CCDC91: variants seen among roughly 807,000 people sequenced by gnomAD.
CCDC91 encodes coiled-coil domain-containing protein 91.
A neutral mutation model predicts 63.2 loss-of-function variants in CCDC91; 48 were observed. The ratio of observed to expected loss-of-function variants is 0.76; its 90% confidence interval spans 0.60 to 0.97. CCDC91 has a LOEUF of 0.97. Ranked by LOEUF, CCDC91 falls within the 50% of genes least tolerant of loss-of-function variation. The pLI, the probability that CCDC91 is intolerant of heterozygous loss-of-function variation, is 0.00. For missense variants in CCDC91, 500 were observed against 494.6 expected, an observed-to-expected ratio of 1.01 and a Z score of -0.10; for synonymous variants, 167 against 165.8, an observed-to-expected ratio of 1.01 and a Z score of -0.06.
At chr12:28,404,830 C>T (rs1455256040) in intron 8 of CCDC91, among the ~76,000 whole-genome samples, 2 of 151,954 alleles carry the variant, frequency 1.3e-5, no homozygotes, top group Admixed American at 6.6e-5. Flanking sequence ...ATCAGTGTTA[C>T]CATAATACCT....
intron 6 of CCDC91, among the ~76,000 whole-genome samples, chr12:28,327,512 A>C (rs1179154954): frequency 1.3e-5 from 2 of 152,042 alleles, no homozygotes; most frequent in Non-Finnish European, 2.9e-5. Context: ...GGTCCAACCA[A>C]TCTTTGGGCC....
Position 28,526,793 on chromosome 12 carries a change from T to C in CCDC91, c.1216-22270T>C, listed in dbSNP as rs569501098. 4.6e-5 allele frequency among the ~76,000 whole-genome samples: 7 copies of C among 152,132 alleles called. No individual in the cohort carries two copies. The South Asian group carries it at 1.2e-3, about 27-fold the overall frequency. ...ATCCCAGACTTCTTGGAGTCTTTGT[T>C]CATATTTTCTTATTCTTTTTTCTTT... On this transcript the variant is annotated intron_variant, in intron 12 of 12. Transcript: ENST00000536442.
chr12:28,503,919 A>C (rs536002169), intron 12 of CCDC91, among the ~76,000 whole-genome samples: 45 of 146,568 alleles, frequency 3.1e-4, no homozygotes, highest in Non-Finnish European at 2.8e-4. Flanking sequence ...GGAACATCAC[A>C]CTCTGGGGAC....
At chr12:28,272,886 T>G (rs1213394357) in intron 3 of CCDC91, among the ~76,000 whole-genome samples, 1 of 152,052 alleles carries the variant, frequency 6.6e-6, no homozygotes, top group Non-Finnish European at 1.5e-5. Context: ...GTGTGCACAA[T>G]GTGCAGGTTA....
At chr12:28,221,490 T>C (rs1313888356) in intron 1 of CCDC91, among the ~76,000 whole-genome samples, 1 of 152,226 alleles carries the variant, frequency 6.6e-6, no homozygotes, top group Non-Finnish European at 1.5e-5. Flanking sequence ...GATTGCTGAA[T>C]TTTGTTGTTT....
In CCDC91 at chr12:28,429,413, G is replaced by A. The variant is rs577798155; in HGVS notation, c.763-20748G>A. ...AATTTGAGGGCTTTCAATGTACCAG[G>A]CAACATACTAGAAAGGATTTTTTTA... On this transcript the variant is annotated intron_variant, in intron 8 of 12. Transcript: ENST00000536442. Among the ~76,000 whole-genome samples the A allele has an allele frequency of 3.3e-4, 50 of 152,124 alleles. 1 individual carries two copies. The highest frequency in any genetic ancestry group is 2.4e-3 in the Admixed American group (37 of 15,260).
intron 4 of CCDC91, 81 bp downstream of exon 4, chr12:28,305,887 T>C: frequency 8.4e-7 from 1 of 1,195,680 alleles, no homozygotes; most frequent in Admixed American, 2.2e-5. Flanking sequence ...TTTTAATTTC[T>C]TTTTTAGCCT....
chr12:28,239,083 G>A (rs1379381070), intron 1 of CCDC91, among the ~76,000 whole-genome samples: 5 of 150,652 alleles, frequency 3.3e-5, no homozygotes, highest in Non-Finnish European at 5.9e-5. Context: ...TCACACCATT[G>A]CACTCCAGCC....
intron 1 of CCDC91, among the ~76,000 whole-genome samples, chr12:28,222,445 T>C (rs1474079319): frequency 1.3e-5 from 2 of 152,210 alleles, no homozygotes; most frequent in South Asian, 2.1e-4. Flanking sequence ...TATAAATCTT[T>C]GCATAAAATG....
Position 28,381,120 on chromosome 12 carries a change from T to C in CCDC91, c.655-10184T>C, listed in dbSNP as rs182050522. Among the ~76,000 whole-genome samples, 296 of 152,278 alleles carry C rather than the reference T, an allele frequency of 1.9e-3. 2 individuals carry two copies. Among genetic ancestry groups the C allele is most frequent in the African/African-American group, 6.9e-3 (285 of 41,564 alleles). The stretch of plus-strand genomic sequence containing the variant: ...AATTTCTTTCCGGTTTGAATAGATA[T>C]TGAGAATGGTTAAATTTATTATTTA... On this transcript the variant is annotated intron_variant, in intron 7 of 12. Transcript: ENST00000536442.
chr12:28,350,898 C>T (rs1943139414), intron 6 of CCDC91, among the ~76,000 whole-genome samples: 1 of 152,122 alleles, frequency 6.6e-6, no homozygotes, highest in Non-Finnish European at 1.5e-5. Context: ...ATTCATAAAT[C>T]TTTACCTCAT....
chr12:28,504,235 A>C lies in CCDC91; in HGVS notation c.1215+20070A>C, dbSNP rs184429573. Among the ~76,000 whole-genome samples the C allele has an allele frequency of 9.0e-3, 1,323 of 146,770 alleles. 5 individuals carry two copies. Among genetic ancestry groups the C allele is most frequent in the Middle Eastern group, 0.021 (6 of 290 alleles). On this transcript the variant is annotated intron_variant, in intron 12 of 12. Transcript: ENST00000536442. ...AATCTTTGAATATTAAAAAAGTTTC[A>C]AAAAAAAAGCACTCTAGTAAGAAGA... is the stretch of plus-strand genomic sequence containing the variant.
chr12:28,357,932 T>C (rs1943627229), intron 6 of CCDC91, among the ~76,000 whole-genome samples: 2 of 152,182 alleles, frequency 1.3e-5, no homozygotes, highest in Admixed American at 6.5e-5. Flanking sequence ...CCTTTAAAGA[T>C]AGGCTGTAAA....
At chr12:28,242,870 G>C (rs1248268114) in intron 1 of CCDC91, among the ~76,000 whole-genome samples, 1 of 152,068 alleles carries the variant, frequency 6.6e-6, no homozygotes, top group South Asian at 2.1e-4. Flanking sequence ...CTGAGATCTG[G>C]TTTAAAAGTG....
At chr12:28,255,242 TA>T (rs1281501574) in intron 1 of CCDC91, among the ~76,000 whole-genome samples, 1 of 152,188 alleles carries the variant, frequency 6.6e-6, no homozygotes, top group Non-Finnish European at 1.5e-5. Flanking sequence ...TCTGTCACCT[TA>T]CAAATAGTTT....
chr12:28,206,947 A>G (rs1370537119), intron 1 of CCDC91, among the ~76,000 whole-genome samples: 2 of 152,220 alleles, frequency 1.3e-5, no homozygotes, highest in African/African-American at 2.4e-5. Context: ...GTTGTGGGTT[A>G]AGAGGAGTGA....
rs138598948 is a variant in CCDC91, at chr12:28,415,039, A to G, written c.762+23628A>G. Among the ~76,000 whole-genome samples the G allele has an allele frequency of 5.5e-4, 84 of 152,252 alleles. No individual in the cohort carries two copies. In the East Asian group the frequency reaches 0.014, roughly 26 times the overall value. On this transcript the variant is annotated intron_variant, in intron 8 of 12. Coordinates refer to ENST00000536442, the MANE Select transcript of CCDC91 (RefSeq NM_018318.5). ...ATATAGAAAACACTTATGCGGAGAT[A>G]CCTCTAGGGTTTTAAATATAATTAG...
At chr12:28,250,273 G>C (rs1481632552) in intron 1 of CCDC91, among the ~76,000 whole-genome samples, 1 of 152,138 alleles carries the variant, frequency 6.6e-6, no homozygotes, top group African/African-American at 2.4e-5. Flanking sequence ...AATTATAAAG[G>C]AAAATTTAGT....
At chr12:28,244,404 A>G (rs77350383) in intron 1 of CCDC91, among the ~76,000 whole-genome samples, 39 of 151,182 alleles carry the variant, frequency 2.6e-4, no homozygotes, top group Admixed American at 5.3e-4. Context: ...TTATTGCTGT[A>G]TAACAAATCC....
Sources: gnomAD v4.1 joint callset for allele counts (sites outside exome capture counted in the v4.1 genomes callset) on GRCh38, gnomAD v4.1.1 for gene constraint, MANE v1.5 for transcripts, NCBI Gene and HGNC (gene_info 2026-07-23, HGNC 2026-07-21) for gene names.